Variants in SND1 observed in about 807,000 individuals in gnomAD.
SND1 encodes staphylococcal nuclease domain-containing protein 1.
In SND1, 38 loss-of-function variants were observed where a neutral mutation model predicts 121.7. The observed-to-expected ratio is 0.31, with a 90% CI of 0.24 to 0.41. The LOEUF (loss-of-function observed/expected upper bound fraction) is 0.41, where lower values mean the gene tolerates loss of function less well. Among genes scored for constraint, SND1 ranks in the 10% least tolerant of loss-of-function variants. The probability of loss-of-function intolerance (pLI) is 1.00; values close to 1 mark genes in which losing one functional copy is unlikely to be tolerated. For synonymous variants in SND1, 401 were observed against 447.4 expected (o/e 0.90, Z 1.31); for missense variants, 868 against 1,184.6 (o/e 0.73, Z 3.92).
chr7:127,808,136 G>A (rs1287673066), intron 11 of SND1, among the ~76,000 whole-genome samples: 1 of 149,726 alleles, frequency 6.7e-6, no homozygotes, highest in African/African-American at 2.5e-5. Context: ...TAGTTCATGT[G>A]CAGATTTTTG....
chr7:128,017,645 G>T (rs1803254428), intron 16 of SND1, among the ~76,000 whole-genome samples: 1 of 152,218 alleles, frequency 6.6e-6, no homozygotes, highest in African/African-American at 2.4e-5. Context: ...TTTCACACCA[G>T]CAGAGGGAAG....
intron 1 of SND1, among the ~76,000 whole-genome samples, chr7:127,678,367 C>T (rs1000625270): frequency 4.6e-5 from 7 of 152,126 alleles, no homozygotes; most frequent in Non-Finnish European, 7.3e-5. Context: ...ATTTAAACTC[C>T]GTATATGTAA....
At chr7:127,949,629 C>T (rs1801416082) in intron 15 of SND1, among the ~76,000 whole-genome samples, 1 of 152,184 alleles carries the variant, frequency 6.6e-6, no homozygotes, top group Non-Finnish European at 1.5e-5. Context: ...AACACCCTTC[C>T]CTCAGCAGAC....
At chr7:128,022,238 G>A (rs1050503864) in intron 16 of SND1, among the ~76,000 whole-genome samples, 2 of 151,338 alleles carry the variant, frequency 1.3e-5, no homozygotes, top group Non-Finnish European at 2.9e-5. Flanking sequence ...GAAGGTAGGA[G>A]GGTATGAAAG....
In SND1 at chr7:127,982,318, G is replaced by A. The variant is rs558837190; in HGVS notation, c.1670-8629G>A. Among the ~76,000 whole-genome samples, 13 of 152,180 alleles carry A rather than the reference G, an allele frequency of 8.5e-5. No homozygotes were observed. In the South Asian group the frequency reaches 1.7e-3, roughly 19 times the overall value. On this transcript the variant is annotated intron_variant, in intron 15 of 23. Transcript: ENST00000354725. ...AAATGCATCAAACATTACAAAATCC[G>A]AACAACCTAATAAAAGTCTATCCTA...
intron 10 of SND1, among the ~76,000 whole-genome samples, chr7:127,805,332 A>AC (rs1798214022): frequency 6.6e-6 from 1 of 152,102 alleles, no homozygotes; most frequent in Non-Finnish European, 1.5e-5. Flanking sequence ...GAGCTCAGCC[A>AC]CCCCAGAGGC....
At chr7:127,808,333 T>C (rs1798276406) in intron 11 of SND1, among the ~76,000 whole-genome samples, 1 of 152,064 alleles carries the variant, frequency 6.6e-6, no homozygotes, top group African/African-American at 2.4e-5. Flanking sequence ...TGGCTAATTT[T>C]TGTATTTTTT....
chr7:127,741,463 A>C (rs1164408405), intron 10 of SND1, among the ~76,000 whole-genome samples: 1 of 152,170 alleles, frequency 6.6e-6, no homozygotes, highest in Middle Eastern at 3.2e-3. Flanking sequence ...TAAAACAACC[A>C]CTGCCCAGGC....
intron 20 of SND1, chr7:128,086,380 C>T (rs1793688601): frequency 5.5e-6 from 1 of 180,660 alleles, no homozygotes; most frequent in Admixed American, 5.3e-5. Flanking sequence ...CCCATGCCTT[C>T]CTCAAGTACT....
At chr7:127,956,832 C>G (rs954799765) in intron 15 of SND1, among the ~76,000 whole-genome samples, 7 of 152,220 alleles carry the variant, frequency 4.6e-5, no homozygotes, top group Admixed American at 1.3e-4. Context: ...TTAGATATTA[C>G]TTACCACCTT....
At chr7:127,732,162 TG>T (rs1796689749) in intron 10 of SND1, among the ~76,000 whole-genome samples, 1 of 152,246 alleles carries the variant, frequency 6.6e-6, no homozygotes, top group African/African-American at 2.4e-5. Flanking sequence ...TTTGTTTCTT[TG>T]TTTGCTTTTG....
chr7:127,877,808 C>T (rs1799718644), intron 12 of SND1, among the ~76,000 whole-genome samples: 1 of 152,050 alleles, frequency 6.6e-6, no homozygotes. Flanking sequence ...GCTATTGGTA[C>T]TCAGTGAGAT....
At position 128,036,518 on chromosome 7, in the gene SND1, G is replaced by A. The variant is rs185041177; in HGVS notation, c.1780-37984G>A. On this transcript the variant is annotated intron_variant, in intron 16 of 23. Coordinates refer to ENST00000354725, the MANE Select transcript of SND1 (RefSeq NM_014390.4). ...CTCTTTAAGGAAGTCAGAAGGGAGT[G>A]GACAATAAAGGATAAAAAAGCATTC... is the stretch of plus-strand genomic sequence containing the variant. 1.4e-4 allele frequency among the ~76,000 whole-genome samples: 22 copies of A among 152,246 alleles called. No homozygotes were observed. The East Asian group carries it at 1.9e-3, about 13-fold the overall frequency.
intron 16 of SND1, among the ~76,000 whole-genome samples, chr7:128,043,025 C>T (rs972987154): frequency 1.3e-5 from 2 of 152,198 alleles, no homozygotes; most frequent in African/African-American, 2.4e-5. Context: ...TAAGGGCTCA[C>T]GCATACATGA....
intron 10 of SND1, among the ~76,000 whole-genome samples, chr7:127,735,493 G>A (rs1796759206): frequency 6.6e-6 from 1 of 152,112 alleles, no homozygotes; most frequent in African/African-American, 2.4e-5. Flanking sequence ...GAGGAGGATT[G>A]CTTCAGGCTA....
intron 15 of SND1, among the ~76,000 whole-genome samples, chr7:127,969,522 G>A (rs1226275564): frequency 3.9e-5 from 6 of 152,208 alleles, no homozygotes; most frequent in East Asian, 1.9e-4. Flanking sequence ...TCAGGAGATC[G>A]AGACCAGCCT....
At chr7:128,012,417 A>G (rs943754260) in intron 16 of SND1, among the ~76,000 whole-genome samples, 1 of 152,196 alleles carries the variant, frequency 6.6e-6, no homozygotes, top group Non-Finnish European at 1.5e-5. Context: ...GGGCAATGGA[A>G]GACAGCTGCA....
At chr7:127,685,198 A>G (rs1352203066) in intron 1 of SND1, among the ~76,000 whole-genome samples, 6 of 152,218 alleles carry the variant, frequency 3.9e-5, no homozygotes, top group Non-Finnish European at 4.4e-5. Context: ...ATTTATATCA[A>G]TATTTAACAC....
chr7:127,903,534 A>G (rs1800275713), intron 13 of SND1, among the ~76,000 whole-genome samples: 1 of 152,196 alleles, frequency 6.6e-6, no homozygotes, highest in Admixed American at 6.5e-5. Flanking sequence ...CTGAACCAGA[A>G]GCATTTCAGA....
Sources: gnomAD v4.1 joint callset for allele counts (sites outside exome capture counted in the v4.1 genomes callset) on GRCh38, gnomAD v4.1.1 for gene constraint, MANE v1.5 for transcripts, NCBI Gene and HGNC (gene_info 2026-07-23, HGNC 2026-07-21) for gene names.